HCRTR2: variants seen among roughly 807,000 people sequenced by gnomAD.
HCRTR2 encodes orexin receptor type 2.
Under a neutral mutation model 49.0 loss-of-function variants are expected in HCRTR2, and 22 were observed. That is an observed-to-expected ratio of 0.45 (90% CI 0.32 to 0.64). The LOEUF is 0.64. Ranked by LOEUF, HCRTR2 falls within the 30% of genes least tolerant of loss-of-function variation. The pLI is 0.04. For synonymous variants in HCRTR2, 236 were observed against 205.3 expected (o/e 1.15, Z -1.28); for missense variants, 491 against 559.4 (o/e 0.88, Z 1.23).
chr6:55,268,991 G>C (rs1037301984), intron 4 of HCRTR2, among the ~76,000 whole-genome samples: 5 of 151,174 alleles, frequency 3.3e-5, no homozygotes, highest in African/African-American at 1.2e-4. Flanking sequence ...TCAGGAGGCT[G>C]AGGCAGGAGA....
Position 55,174,545 on chromosome 6 carries a change from A to C in HCRTR2, c.-43A>C, listed in dbSNP as rs1765000750. 6.6e-7 allele frequency: 1 copy of C among 1,505,488 alleles called. No individual in the cohort carries two copies. Among genetic ancestry groups the C allele is most frequent in the Non-Finnish European group, 9.2e-7 (1 of 1,081,482 alleles). 93.3% of individuals were successfully genotyped at this position (1,505,488 alleles called of 1,614,324 possible). Reference sequence around the variant, plus strand: ...TCACCAGTGCTCATGGGGCAGGCGGAGAGGAGCTTGCAGCATTGAGCGGAA... The same window carrying C: ...TCACCAGTGCTCATGGGGCAGGCGGCGAGGAGCTTGCAGCATTGAGCGGAA... On this transcript the variant is annotated 5_prime_UTR_variant, in exon 1 of 7. Coordinates refer to ENST00000370862, the MANE Select transcript of HCRTR2 (RefSeq NM_001384272.1).
chr6:55,187,256 C>T (rs1284878824), intron 1 of HCRTR2, among the ~76,000 whole-genome samples: 3 of 150,954 alleles, frequency 2.0e-5, no homozygotes, highest in Admixed American at 6.6e-5. Context: ...AAACAAACAA[C>T]AAAAAAATTA....
intron 1 of HCRTR2, among the ~76,000 whole-genome samples, chr6:55,143,289 C>T (rs1581792711): frequency 6.6e-6 from 1 of 151,960 alleles, no homozygotes. Context: ...TCCTTATCTA[C>T]AATGTCTTCT....
At chr6:55,185,140 C>T (rs1765195924) in intron 1 of HCRTR2, among the ~76,000 whole-genome samples, 1 of 152,150 alleles carries the variant, frequency 6.6e-6, no homozygotes. Context: ...TTAGCATCCT[C>T]AATTATAATA....
At chr6:55,172,900 A>G (rs9382461), upstream of HCRTR2, among the ~76,000 whole-genome samples, 4,785 of 152,284 alleles carry the variant, frequency 0.031, 119 homozygotes, top group African/African-American at 0.074. Context: ...ATAATTACAT[A>G]TAAAAACTGG....
intron 1 of HCRTR2, among the ~76,000 whole-genome samples, chr6:55,124,481 T>C (rs1362527250): frequency 6.6e-6 from 1 of 151,702 alleles, no homozygotes. Flanking sequence ...TCTGAGAGAC[T>C]GTTGCAATTT....
intron 1 of HCRTR2, among the ~76,000 whole-genome samples, chr6:55,140,063 A>G (rs1246791299): frequency 6.6e-6 from 1 of 152,208 alleles, no homozygotes; most frequent in African/African-American, 2.4e-5. Context: ...ACACCCATGC[A>G]TAGTGGATAT....
chr6:55,231,875 A>G (rs56843381), intron 1 of HCRTR2, among the ~76,000 whole-genome samples: 27,585 of 152,062 alleles, frequency 0.18, 2,873 homozygotes, highest in Non-Finnish European at 0.24. Context: ...ATTGTATAAT[A>G]GATGTCCCTT....
chr6:55,115,132 C>G (rs1257618857), intron 1 of HCRTR2, among the ~76,000 whole-genome samples: 2 of 151,740 alleles, frequency 1.3e-5, no homozygotes, highest in Non-Finnish European at 2.9e-5. Context: ...GAGTTTATTA[C>G]CTTATCTCTT....
intron 1 of HCRTR2, among the ~76,000 whole-genome samples, chr6:55,219,195 A>G (rs1420657173): frequency 6.6e-6 from 1 of 152,174 alleles, no homozygotes; most frequent in Non-Finnish European, 1.5e-5. Flanking sequence ...TAGACCAAAT[A>G]AGCCTAACAA....
At chr6:55,267,404 GTT>G (rs200158940) in intron 4 of HCRTR2, among the ~76,000 whole-genome samples, 2 of 124,554 alleles carry the variant, frequency 1.6e-5, no homozygotes. Flanking sequence ...CTCTCTCTCT[GTT>G]TTTTTTTTTT....
intron 1 of HCRTR2, among the ~76,000 whole-genome samples, chr6:55,110,251 C>T (rs980948035): frequency 1.3e-5 from 2 of 152,040 alleles, no homozygotes; most frequent in African/African-American, 4.8e-5. Flanking sequence ...TCAAAATGCA[C>T]CAAAATAGGA....
At chr6:55,122,488 T>A (rs1282975659) in intron 1 of HCRTR2, among the ~76,000 whole-genome samples, 1 of 152,168 alleles carries the variant, frequency 6.6e-6, no homozygotes, top group Non-Finnish European at 1.5e-5. Flanking sequence ...ACTTTAGTTA[T>A]CTCTTGTCTT....
chr6:55,256,234 C>G (rs1393419790), intron 3 of HCRTR2, among the ~76,000 whole-genome samples: 2 of 151,904 alleles, frequency 1.3e-5, no homozygotes, highest in African/African-American at 4.8e-5. Context: ...CCAATCTGAC[C>G]TCTTCTAGGT....
At chr6:55,188,652 G>A (rs561283228) in intron 1 of HCRTR2, among the ~76,000 whole-genome samples, 2 of 152,146 alleles carry the variant, frequency 1.3e-5, no homozygotes, top group Non-Finnish European at 2.9e-5. Context: ...CCCACAATGT[G>A]TAATCTGTTC....
chr6:55,113,379 A>G (rs1310466661), intron 1 of HCRTR2, among the ~76,000 whole-genome samples: 1 of 152,110 alleles, frequency 6.6e-6, no homozygotes, highest in Non-Finnish European at 1.5e-5. Flanking sequence ...CAAACTATGC[A>G]TGTGACAAAT....
intron 1 of HCRTR2, among the ~76,000 whole-genome samples, chr6:55,133,660 ATCATCTATC>A: frequency 7.6e-6 from 1 of 130,740 alleles, no homozygotes; most frequent in South Asian, 2.5e-4. Context: ...CTATCTATCT[ATCATCTATC>A]TATCTATCTA....
intron 1 of HCRTR2, among the ~76,000 whole-genome samples, chr6:55,239,846 C>G (rs1766288625): frequency 1.4e-5 from 2 of 145,880 alleles, no homozygotes; most frequent in African/African-American, 5.2e-5. Context: ...GGCACGATCT[C>G]GGCTCACTGC....
At chr6:55,126,456 C>G (rs9475157) in intron 1 of HCRTR2, among the ~76,000 whole-genome samples, 1 of 152,120 alleles carries the variant, frequency 6.6e-6, no homozygotes, top group Non-Finnish European at 1.5e-5. Context: ...AGATTGCTGC[C>G]CTGTTCTTTC....
Sources: allele counts gnomAD v4.1 joint callset (sites outside exome capture counted in the v4.1 genomes callset), GRCh38; gene constraint gnomAD v4.1.1; transcripts MANE v1.5; gene names NCBI Gene and HGNC (gene_info 2026-07-23, HGNC 2026-07-21).